Variants in VAT1L observed in about 807,000 individuals in gnomAD.
The protein encoded by VAT1L is putative NADPH-dependent quinone oxidoreductase VAT1L.
VAT1L carries 34 observed loss-of-function variants against 44.1 expected under a neutral mutation model. That is an observed-to-expected ratio of 0.77 (90% CI 0.59 to 1.03). The LOEUF is 1.03. Ranked by LOEUF, VAT1L falls within the 50% of genes least tolerant of loss-of-function variation. The pLI, the probability that VAT1L is intolerant of heterozygous loss-of-function variation, is 0.00. For synonymous variants in VAT1L, 253 were observed against 202.2 expected, an observed-to-expected ratio of 1.25 and a Z score of -2.13; for missense variants, 615 against 538.8, an observed-to-expected ratio of 1.14 and a Z score of -1.40.
chr16:77,888,513 T>C (rs1472067141), intron 7 of VAT1L, among the ~76,000 whole-genome samples: 2 of 152,242 alleles, frequency 1.3e-5, no homozygotes, highest in East Asian at 1.9e-4. Flanking sequence ...GAACAAGGTA[T>C]AATTTTAAAA....
intron 7 of VAT1L, among the ~76,000 whole-genome samples, chr16:77,946,276 G>GTCCTTTTTTTTTT (rs2017962485): frequency 3.0e-5 from 1 of 33,862 alleles, no homozygotes; most frequent in African/African-American, 1.1e-4. Context: ...TAGGTTACTT[G>GTCCTTTTTTTTTT]TTCTTTTTTT....
intron 3 of VAT1L, among the ~76,000 whole-genome samples, chr16:77,858,326 G>C (rs909003660): frequency 9.9e-5 from 15 of 152,230 alleles, no homozygotes; most frequent in African/African-American, 3.4e-4. Flanking sequence ...ATAATGAGAA[G>C]GGGGAAAGCA....
At chr16:77,862,931 G>A (rs1204353152) in intron 4 of VAT1L, 41 bp downstream of exon 4, 4 of 1,603,642 alleles carry the variant, frequency 2.5e-6, no homozygotes, top group South Asian at 1.1e-5. Context: ...GCTGGCCCTT[G>A]CTCTGCTCTC....
chr16:77,802,947 G>C (rs2016090411), intron 1 of VAT1L, among the ~76,000 whole-genome samples: 1 of 152,094 alleles, frequency 6.6e-6, no homozygotes, highest in Admixed American at 6.5e-5. Flanking sequence ...CACGGCAGCG[G>C]ACACAGCAGG....
chr16:77,855,455 C>G (rs987591098), intron 3 of VAT1L, among the ~76,000 whole-genome samples: 3 of 152,178 alleles, frequency 2.0e-5, no homozygotes, highest in Admixed American at 6.5e-5. Context: ...CCTTATCTAT[C>G]TCCCCCGACA....
chr16:77,927,500 G>A (rs901220413), intron 7 of VAT1L, among the ~76,000 whole-genome samples: 8 of 152,254 alleles, frequency 5.3e-5, no homozygotes, highest in African/African-American at 1.9e-4. Flanking sequence ...TTAGCCACTA[G>A]CTTTTGCTGT....
chr16:77,875,273 C>G (rs1445953306), intron 4 of VAT1L, among the ~76,000 whole-genome samples: 2 of 152,162 alleles, frequency 1.3e-5, no homozygotes, highest in East Asian at 3.8e-4. Context: ...AGTCTCTGCA[C>G]CCAGGAGATG....
intron 1 of VAT1L, among the ~76,000 whole-genome samples, chr16:77,812,988 G>A (rs1179221560): frequency 6.6e-6 from 1 of 152,008 alleles, no homozygotes; most frequent in East Asian, 1.9e-4. Context: ...TTTTTGCAAT[G>A]ATCTGAAATG....
At chr16:77,952,361 G>A (rs373777580) in intron 7 of VAT1L, among the ~76,000 whole-genome samples, 1 of 152,048 alleles carries the variant, frequency 6.6e-6, no homozygotes, top group Non-Finnish European at 1.5e-5. Flanking sequence ...GGAGGTGTTC[G>A]GATCAGGGGA....
At chr16:77,873,416 T>C (rs2017052819) in intron 4 of VAT1L, among the ~76,000 whole-genome samples, 2 of 152,236 alleles carry the variant, frequency 1.3e-5, no homozygotes, top group Admixed American at 1.3e-4. Flanking sequence ...AGCACACATA[T>C]AGAGACACAG....
At chr16:77,952,689 T>C (rs1281408662) in intron 7 of VAT1L, among the ~76,000 whole-genome samples, 1 of 151,882 alleles carries the variant, frequency 6.6e-6, no homozygotes, top group East Asian at 1.9e-4. Context: ...AAACCCTGTA[T>C]CTATTAAAAA....
intron 1 of VAT1L, among the ~76,000 whole-genome samples, chr16:77,805,235 T>A (rs767407248): frequency 6.6e-6 from 1 of 152,216 alleles, no homozygotes; most frequent in Non-Finnish European, 1.5e-5. Flanking sequence ...CTTGCTTTGG[T>A]CACTGTGAGC....
chr16:77,908,155 C>T lies in VAT1L; in HGVS notation c.1077+23353C>T, dbSNP rs113453199. ...TCGGGAGGGTGAGGCAGGAGAATGG[C>T]GTGAACCCGGGAGGTGGAGCTTGCA... On this transcript the variant is annotated intron_variant, in intron 7 of 8. Coordinates refer to ENST00000302536, the MANE Select transcript of VAT1L (RefSeq NM_020927.3). Among the ~76,000 whole-genome samples, 14 of 151,396 alleles carry T rather than the reference C, an allele frequency of 9.2e-5. No individual in the cohort carries two copies. The South Asian group carries it at 1.5e-3, about 16-fold the overall frequency.
intron 2 of VAT1L, among the ~76,000 whole-genome samples, chr16:77,822,197 C>T (rs897828491): frequency 2.6e-5 from 4 of 152,150 alleles, no homozygotes; most frequent in East Asian, 3.9e-4. Context: ...TGCAATGGTG[C>T]GATCCTGGCT....
chr16:77,911,056 A>G (rs1256342205), intron 7 of VAT1L, among the ~76,000 whole-genome samples: 2 of 152,226 alleles, frequency 1.3e-5, no homozygotes, highest in Admixed American at 6.5e-5. Flanking sequence ...AACATTTACT[A>G]TCATCCCACA....
At chr16:77,965,864 T>G (rs1309031292) in intron 7 of VAT1L, among the ~76,000 whole-genome samples, 1 of 152,228 alleles carries the variant, frequency 6.6e-6, no homozygotes, top group Non-Finnish European at 1.5e-5. Context: ...GTGTGACAGA[T>G]GTCCTTTTGC....
chr16:77,924,941 A>G lies in VAT1L; in HGVS notation c.1077+40139A>G, dbSNP rs113604392. On this transcript the variant is annotated intron_variant, in intron 7 of 8. Transcript: ENST00000302536. ...TACTAAAGGATTTCTTTCCAAATAC[A>G]TGGCCCTTTCCATAAGAATTAAGAT... Among the ~76,000 whole-genome samples, 1,216 of 152,304 alleles carry G rather than the reference A, an allele frequency of 8.0e-3. 25 individuals carry two copies. Among genetic ancestry groups the G allele is most frequent in the African/African-American group, 0.028 (1,176 of 41,566 alleles).
chr16:77,818,124 C>T (rs957858977), intron 2 of VAT1L, among the ~76,000 whole-genome samples: 1 of 152,150 alleles, frequency 6.6e-6, no homozygotes, highest in South Asian at 2.1e-4. Flanking sequence ...ACTCCCTACT[C>T]CCAGCCCCCA....
At chr16:77,795,387 G>A (rs911083464) in intron 1 of VAT1L, among the ~76,000 whole-genome samples, 7 of 152,042 alleles carry the variant, frequency 4.6e-5, no homozygotes, top group Non-Finnish European at 1.0e-4. Flanking sequence ...GAAGTAAATG[G>A]CAAATAGCTT....
Sources: allele counts gnomAD v4.1 joint callset (sites outside exome capture counted in the v4.1 genomes callset), GRCh38; gene constraint gnomAD v4.1.1; transcripts MANE v1.5; gene names NCBI Gene and HGNC (gene_info 2026-07-23, HGNC 2026-07-21).